Variants in COL15A1 observed in about 807,000 individuals in gnomAD.
The protein encoded by COL15A1 is collagen type XV alpha 1 chain.
Under a neutral mutation model 165.9 loss-of-function variants are expected in COL15A1, and 111 were observed. The ratio of observed to expected loss-of-function variants is 0.67; its 90% CI spans 0.57 to 0.78. COL15A1 has a LOEUF of 0.78. COL15A1 is among the 30% of genes least tolerant of loss of function. The probability of loss-of-function intolerance (pLI) is 0.00; values close to 1 mark genes in which losing one functional copy is unlikely to be tolerated. For missense variants in COL15A1, 1,745 were observed against 1,789.7 expected (o/e 0.98, Z 0.45); for synonymous variants, 659 against 674.8 (o/e 0.98, Z 0.36).
chr9:98,991,143 A>G (rs1838417975), intron 5 of COL15A1, among the ~76,000 whole-genome samples: 1 of 152,192 alleles, frequency 6.6e-6, no homozygotes, highest in South Asian at 2.1e-4. Context: ...GGACCCAAAG[A>G]CACTAACAGC....
intron 14 of COL15A1, among the ~76,000 whole-genome samples, chr9:99,023,894 A>T (rs1209493353): frequency 6.6e-6 from 1 of 151,664 alleles, no homozygotes; most frequent in Non-Finnish European, 1.5e-5. Flanking sequence ...TCCTTCCCTT[A>T]TGCATTCCCT....
chr9:98,944,372 C>A (rs527704357), intron 2 of COL15A1, 122 bp downstream of exon 2: 1 of 1,006,900 alleles, frequency 9.9e-7, no homozygotes, highest in Admixed American at 2.0e-5. Context: ...AGTCTTGCCA[C>A]TCAGTGCGCA....
chr9:99,014,864 A>G (rs970302219), intron 9 of COL15A1, among the ~76,000 whole-genome samples: 2 of 152,204 alleles, frequency 1.3e-5, no homozygotes, highest in African/African-American at 4.8e-5. Flanking sequence ...TGTCATAGGT[A>G]GATAAAAGAC....
intron 41 of COL15A1, 56 bp from the exon 42 acceptor site, chr9:99,069,617 A>G (rs1825951473): frequency 6.3e-7 from 1 of 1,575,648 alleles, no homozygotes; most frequent in Admixed American, 1.8e-5. Flanking sequence ...TGCTTACCAA[A>G]AAATACCACA....
intron 2 of COL15A1, among the ~76,000 whole-genome samples, chr9:98,959,898 C>T (rs1837839586): frequency 6.6e-6 from 1 of 152,236 alleles, no homozygotes; most frequent in African/African-American, 2.4e-5. Flanking sequence ...AAGGCCTCTT[C>T]TCCTCTCACA....
At chr9:99,045,390 G>A (rs979555491) in intron 26 of COL15A1, among the ~76,000 whole-genome samples, 1 of 152,136 alleles carries the variant, frequency 6.6e-6, no homozygotes, top group Non-Finnish European at 1.5e-5. Context: ...TTCTCTCTCT[G>A]GGCTCCTGTT....
In COL15A1 at chr9:99,047,973, C is replaced by G. The variant is rs369827674; in HGVS notation, c.2766C>G (p.Thr922=). ...GRPGLNGLKG[T]KGDPGVIMQG... ...CAGGACTGAATGGCCTCAAGGGTACCAAAGGAGATCCAGGGGTCATTATGC... is the reference window on the plus strand; with the variant it reads ...CAGGACTGAATGGCCTCAAGGGTACGAAAGGAGATCCAGGGGTCATTATGC... The change falls in exon 28 of 42, where the codon ACC becomes ACG. Residue 922 remains threonine (T), a synonymous_variant. Transcript: ENST00000375001. The G allele has an allele frequency of 1.3e-6, 2 of 1,597,758 alleles. No individual in the cohort carries two copies. Among genetic ancestry groups the G allele is most frequent in the Non-Finnish European group, 1.7e-6 (2 of 1,169,114 alleles).
Position 99,022,130 on chromosome 9 carries a change from T to A in COL15A1, c.1741T>A (p.Ser581Thr), listed in dbSNP as rs748037787. ...GEELPGPPEP[S>T]GPVGPTAGAE... ...GGAGCTTCCTGGCCCTCCTGAACCTTCTGGGCCTGTTGGACCCACGGTGAG... is the reference window on the plus strand; with the variant it reads ...GGAGCTTCCTGGCCCTCCTGAACCTACTGGGCCTGTTGGACCCACGGTGAG... The change falls in exon 13 of 42, where the codon TCT (serine) becomes ACT (threonine). Residue 581 changes from serine (S) to threonine (T), a missense_variant. Physicochemically the swap from Ser to Thr is moderately conservative, Grantham distance 58. Coordinates refer to ENST00000375001, the MANE Select transcript of COL15A1 (RefSeq NM_001855.5). The A allele has an allele frequency of 6.2e-7, 1 of 1,614,042 alleles. No homozygotes were observed. Among genetic ancestry groups the A allele is most frequent in the African/African-American group, 1.3e-5 (1 of 74,920 alleles).
At chr9:98,988,866 T>C (rs1213720240) in intron 4 of COL15A1, among the ~76,000 whole-genome samples, 1 of 151,946 alleles carries the variant, frequency 6.6e-6, no homozygotes, top group African/African-American at 2.4e-5. Context: ...GAGTTTGCAG[T>C]GAGCTGAGAT....
chr9:99,032,697 T>C (rs1411575853), intron 16 of COL15A1, among the ~76,000 whole-genome samples: 1 of 152,208 alleles, frequency 6.6e-6, no homozygotes, highest in East Asian at 1.9e-4. Context: ...CTATCTCTCT[T>C]ACTACTTTGT....
rs983796384 is a variant in COL15A1, at chr9:99,005,047, T to A, written c.1350T>A (p.Thr450=). ...MSAQSLGEEA[T]VGPSSEDSLT... ...CCCAGAGCCTCGGGGAAGAGGCCAC[T>A]GTGGTAAGGATCGTACAGTGCCCAA... The change falls in exon 9 of 42, where the codon ACT becomes ACA. Residue 450 remains threonine (T), a synonymous_variant. Coordinates refer to ENST00000375001, the MANE Select transcript of COL15A1 (RefSeq NM_001855.5). The A allele has an allele frequency of 1.9e-6, 3 of 1,604,840 alleles. No homozygotes were observed. The highest frequency in any genetic ancestry group is 2.6e-6 in the Non-Finnish European group (3 of 1,175,666).
intron 4 of COL15A1, among the ~76,000 whole-genome samples, chr9:98,988,780 C>T (rs3780624): frequency 0.23 from 34,458 of 151,520 alleles, 4,656 homozygotes; most frequent in African/African-American, 0.37. Flanking sequence ...AAAATTAGCC[C>T]GGCGTGGTGG....
chr9:98,970,944 G>T (rs953482217), intron 2 of COL15A1, among the ~76,000 whole-genome samples: 1 of 152,188 alleles, frequency 6.6e-6, no homozygotes, highest in African/African-American at 2.4e-5. Flanking sequence ...TGTGTTATGA[G>T]TATGTGAACC....
intron 7 of COL15A1, among the ~76,000 whole-genome samples, chr9:99,001,363 T>G (rs559193595): frequency 6.6e-6 from 1 of 152,328 alleles, no homozygotes; most frequent in East Asian, 1.9e-4. Flanking sequence ...AGCCAGTTTT[T>G]GAAATGCTGG....
intron 2 of COL15A1, among the ~76,000 whole-genome samples, chr9:98,951,039 C>A (rs1423546597): frequency 6.6e-6 from 1 of 152,152 alleles, no homozygotes; most frequent in Non-Finnish European, 1.5e-5. Flanking sequence ...CTAACCACCC[C>A]ACTCTTGCTC....
chr9:99,044,535 C>T (rs758763429), intron 24 of COL15A1, 33 bp from the exon 25 acceptor site: 1 of 1,609,670 alleles, frequency 6.2e-7, no homozygotes, highest in Non-Finnish European at 8.5e-7. Flanking sequence ...AAGGAGGAGT[C>T]CTGACTTCAT....
chr9:98,949,228 A>T (rs1477332043), intron 2 of COL15A1, among the ~76,000 whole-genome samples: 1 of 152,250 alleles, frequency 6.6e-6, no homozygotes, highest in Admixed American at 6.5e-5. Flanking sequence ...GCTGTAGTTC[A>T]TTGCCATTGC....
At chr9:98,999,315 C>T (rs1838606105) in intron 6 of COL15A1, among the ~76,000 whole-genome samples, 2 of 143,720 alleles carry the variant, frequency 1.4e-5, no homozygotes, top group Non-Finnish European at 3.1e-5. Flanking sequence ...TGTGTGGATC[C>T]GGCAGGTCAC....
rs142753497 is a variant in COL15A1, at chr9:98,961,135, T to G, written c.100+16885T>G. ...CTGTTGTAACCTGGGGGCTTTCTCA[T>G]TCATCCATTTGTTTACCCACTTTTA... On this transcript the variant is annotated intron_variant, in intron 2 of 41. Transcript: ENST00000375001. 1.7e-3 allele frequency among the ~76,000 whole-genome samples: 254 copies of G among 152,320 alleles called. 5 individuals are homozygous for G. The highest frequency in any genetic ancestry group is 5.4e-4 in the Non-Finnish European group (37 of 68,018).
Sources: allele counts gnomAD v4.1 joint callset (sites outside exome capture counted in the v4.1 genomes callset), GRCh38; gene constraint gnomAD v4.1.1; transcripts MANE v1.5; gene names NCBI Gene and HGNC (gene_info 2026-07-23, HGNC 2026-07-21).